The following PSMD1 variants were observed in gnomAD, a reference collection of about 807,000 sequenced individuals.
The protein encoded by PSMD1 is proteasome 26S subunit, non-ATPase 1, also known as 26S proteasome non-ATPase regulatory subunit 1.
In PSMD1, 18 loss-of-function variants were observed where a neutral mutation model predicts 119.0. The ratio of observed to expected loss-of-function variants is 0.15; its 90% CI spans 0.10 to 0.22. The LOEUF (loss-of-function observed/expected upper bound fraction) is 0.22, where lower values mean the gene tolerates loss of function less well. Ranked by LOEUF, PSMD1 falls within the 10% of genes least tolerant of loss-of-function variation. PSMD1 has a pLI of 1.00. For synonymous variants in PSMD1, 374 were observed against 396.6 expected (o/e 0.94, Z 0.68); for missense variants, 702 against 1,158.5 (o/e 0.61, Z 5.72).
intron 16 of PSMD1, among the ~76,000 whole-genome samples, chr2:231,116,029 T>C (rs1350162666): frequency 1.3e-5 from 2 of 152,250 alleles, no homozygotes; most frequent in East Asian, 1.9e-4. Flanking sequence ...GCACTTGGAA[T>C]GTCTCATGGA....
intron 14 of PSMD1, among the ~76,000 whole-genome samples, chr2:231,084,328 G>A (rs1694382259): frequency 6.6e-6 from 1 of 151,722 alleles, no homozygotes; most frequent in East Asian, 1.9e-4. Context: ...CTCCAGCCTG[G>A]GTGACAGAGC....
intron 16 of PSMD1, among the ~76,000 whole-genome samples, chr2:231,096,723 A>G (rs534887703): frequency 6.6e-6 from 1 of 152,358 alleles, no homozygotes; most frequent in African/African-American, 2.4e-5. Context: ...AAGGGAGGGG[A>G]AAGCGTTCTT....
chr2:231,109,659 A>G (rs1048667639), intron 16 of PSMD1, among the ~76,000 whole-genome samples: 3 of 152,242 alleles, frequency 2.0e-5, no homozygotes, highest in Admixed American at 6.5e-5. Flanking sequence ...CCCTAAAGCT[A>G]TAGTATATCC....
intron 2 of PSMD1, among the ~76,000 whole-genome samples, chr2:231,061,533 G>T (rs760389287): frequency 6.6e-6 from 1 of 152,016 alleles, no homozygotes. Flanking sequence ...CACTTGAATA[G>T]CCCCCTAATT....
chr2:231,067,342 G>A (rs1307789716), intron 5 of PSMD1, among the ~76,000 whole-genome samples: 1 of 152,170 alleles, frequency 6.6e-6, no homozygotes, highest in Non-Finnish European at 1.5e-5. Flanking sequence ...CTTGCATGGG[G>A]AAGTTGTATT....
intron 16 of PSMD1, among the ~76,000 whole-genome samples, chr2:231,136,487 G>C (rs976075843): frequency 7.9e-5 from 12 of 152,178 alleles, no homozygotes; most frequent in Admixed American, 6.5e-4. Flanking sequence ...TACTGAAATA[G>C]TTTTCTTGCT....
At chr2:231,078,836 C>A in intron 10 of PSMD1, 89 bp downstream of exon 10, 1 of 942,776 alleles carries the variant, frequency 1.1e-6, no homozygotes, top group Non-Finnish European at 1.5e-6. Flanking sequence ...ACTCTGTGGC[C>A]CAGGCCGGAG....
At chr2:231,064,420 A>G (rs1693845309) in intron 4 of PSMD1, among the ~76,000 whole-genome samples, 1 of 152,228 alleles carries the variant, frequency 6.6e-6, no homozygotes, top group African/African-American at 2.4e-5. Context: ...CATATATGCA[A>G]ACCTGGTGAA....
At chr2:231,138,127 AG>A (rs1696015599) in intron 16 of PSMD1, among the ~76,000 whole-genome samples, 1 of 152,252 alleles carries the variant, frequency 6.6e-6, no homozygotes, top group Non-Finnish European at 1.5e-5. Flanking sequence ...AGATGGGGTC[AG>A]GTATACCATT....
intron 11 of PSMD1, among the ~76,000 whole-genome samples, chr2:231,079,886 G>A (rs1457481740): frequency 6.6e-6 from 1 of 151,912 alleles, no homozygotes; most frequent in African/African-American, 2.4e-5. Context: ...AGATGGATTT[G>A]GGCAAATGTT....
Position 231,078,708 on chromosome 2 carries a change from C to G in PSMD1, c.1121C>G (p.Ser374Cys), listed in dbSNP as rs369257039. The change falls in exon 10 of 25, where the codon TCT becomes TGT. Residue 374 changes from serine to cysteine, a missense_variant. Ser to Cys is a moderately radical substitution (Grantham distance 112, BLOSUM62 -1). Transcript: ENST00000308696. Reference sequence around the variant, plus strand: ...CATACTGCAACCGTTATAGCAAACTCTTTTATGCACTGTGGGACAACCAGT... The same window carrying G: ...CATACTGCAACCGTTATAGCAAACTGTTTTATGCACTGTGGGACAACCAGT... ...VCHTATVIAN[S>C]FMHCGTTSDQ... 7 of 1,601,630 alleles carry G rather than the reference C, an allele frequency of 4.4e-6. No homozygotes were observed. Among genetic ancestry groups the G allele is most frequent in the Non-Finnish European group, 5.1e-6 (6 of 1,174,638 alleles).
At position 231,108,732 on chromosome 2, in the gene PSMD1, G is replaced by A. The variant is rs180891719; in HGVS notation, c.1883+21551G>A. On this transcript the variant is annotated intron_variant, in intron 16 of 24. Transcript: ENST00000308696. ...TTCCGGAAGTAGATCTTACTGGAGC[G>A]TTTTCTGAGAGTTTTTACTGACTTT... 1.3e-4 allele frequency: 212 copies of A among 1,614,046 alleles called. No homozygotes were observed. The highest frequency in any genetic ancestry group is 1.2e-3 in the Middle Eastern group (7 of 6,062).
intron 16 of PSMD1, among the ~76,000 whole-genome samples, chr2:231,087,983 C>T (rs1694496968): frequency 6.6e-6 from 1 of 151,778 alleles, no homozygotes; most frequent in African/African-American, 2.4e-5. Context: ...AAAGAAGTCA[C>T]ACTCTAAACC....
intron 21 of PSMD1, 166 bp from the exon 22 acceptor site, chr2:231,165,034 T>TTTTATATATATATATA (rs1418024804): frequency 2.3e-4 from 5 of 21,838 alleles, no homozygotes; most frequent in Non-Finnish European, 3.1e-4. Context: ...TTATATATAT[T>TTTTATATATATATATA]TATATATATA....
chr2:231,070,336 T>A (rs1180786924), intron 6 of PSMD1, among the ~76,000 whole-genome samples, 168 bp downstream of exon 6: 1 of 151,914 alleles, frequency 6.6e-6, no homozygotes, highest in Non-Finnish European at 1.5e-5. Flanking sequence ...ATATTCCTTT[T>A]TATTAATAAG....
chr2:231,114,342 A>G (rs1053597733), intron 16 of PSMD1, among the ~76,000 whole-genome samples: 6 of 152,218 alleles, frequency 3.9e-5, no homozygotes, highest in Admixed American at 1.3e-4. Context: ...TGTAGAGGAA[A>G]CAGTATGACA....
chr2:231,168,894 G>A (rs1167047869), intron 23 of PSMD1, among the ~76,000 whole-genome samples: 1 of 152,232 alleles, frequency 6.6e-6, no homozygotes, highest in Non-Finnish European at 1.5e-5. Context: ...CTCAGACACT[G>A]CATTTGAAAG....
intron 16 of PSMD1, among the ~76,000 whole-genome samples, chr2:231,125,539 G>A (rs1695698090): frequency 6.6e-6 from 1 of 152,156 alleles, no homozygotes; most frequent in Non-Finnish European, 1.5e-5. Flanking sequence ...ATATAGAAGA[G>A]CACAGAAAGG....
intron 7 of PSMD1, 59 bp from the exon 8 acceptor site, chr2:231,075,451 CT>C (rs1694137149): frequency 7.0e-7 from 1 of 1,436,494 alleles, no homozygotes; most frequent in East Asian, 2.3e-5. Flanking sequence ...TGGTTCAGAT[CT>C]GTGGTATAAA....
Sources: gnomAD v4.1 joint callset for allele counts (sites outside exome capture counted in the v4.1 genomes callset) on GRCh38, gnomAD v4.1.1 for gene constraint, MANE v1.5 for transcripts, NCBI Gene and HGNC (gene_info 2026-07-23, HGNC 2026-07-21) for gene names.